The following STXBP5L variants were observed in gnomAD, a reference collection of about 807,000 sequenced individuals.
STXBP5L encodes syntaxin binding protein 5L.
In STXBP5L, 65 loss-of-function variants were observed where a neutral mutation model predicts 144.5. The ratio of observed to expected loss-of-function variants is 0.45; its 90% CI spans 0.37 to 0.55. The LOEUF (loss-of-function observed/expected upper bound fraction) is 0.55. Ranked by LOEUF, STXBP5L falls within the 20% of genes least tolerant of loss-of-function variation. The pLI, the probability that STXBP5L is intolerant of heterozygous loss-of-function variation, is 0.00. For synonymous variants in STXBP5L, 505 were observed against 469.6 expected (o/e 1.08, Z -0.97); for missense variants, 1,298 against 1,405.5 (o/e 0.92, Z 1.22).
intron 22 of STXBP5L, among the ~76,000 whole-genome samples, chr3:121,397,532 G>A (rs371082523): frequency 1.3e-5 from 2 of 152,164 alleles, no homozygotes; most frequent in African/African-American, 2.4e-5. Context: ...GGTTCTGGAC[G>A]CTTAACAATG....
chr3:121,075,840 C>A (rs1042251912), intron 5 of STXBP5L, among the ~76,000 whole-genome samples: 4 of 152,212 alleles, frequency 2.6e-5, no homozygotes, highest in African/African-American at 7.2e-5. Flanking sequence ...ATTGTGCATA[C>A]TGCCTGATAT....
chr3:120,909,492 A>G (rs540374639), intron 1 of STXBP5L, 79 bp from the exon 2 acceptor site: 1 of 1,268,672 alleles, frequency 7.9e-7, no homozygotes, highest in East Asian at 2.6e-5. Flanking sequence ...ACTAATGAAA[A>G]GAGAAAGGCT....
At chr3:121,106,781 A>G (rs1449122676) in intron 5 of STXBP5L, among the ~76,000 whole-genome samples, 1 of 152,164 alleles carries the variant, frequency 6.6e-6, no homozygotes, top group Non-Finnish European at 1.5e-5. Context: ...GCTGGGTCAA[A>G]TAGTATTTCT....
chr3:121,384,722 GT>G (rs560773021), intron 22 of STXBP5L, among the ~76,000 whole-genome samples: 2 of 151,108 alleles, frequency 1.3e-5, no homozygotes, highest in Admixed American at 6.6e-5. Context: ...AAAACATTGG[GT>G]TTTTTTTCAA....
intron 20 of STXBP5L, among the ~76,000 whole-genome samples, chr3:121,324,893 G>A (rs1232611592): frequency 6.6e-6 from 1 of 151,888 alleles, no homozygotes. Context: ...AGGGGGTCGC[G>A]GGTACGGTCA....
At chr3:121,055,844 C>G (rs1010924460) in intron 5 of STXBP5L, among the ~76,000 whole-genome samples, 3 of 150,244 alleles carry the variant, frequency 2.0e-5, no homozygotes, top group African/African-American at 7.4e-5. Flanking sequence ...ACTATGATGC[C>G]TGACTAATGT....
At chr3:121,379,810 G>T (rs1230347537) in intron 21 of STXBP5L, among the ~76,000 whole-genome samples, 3 of 152,078 alleles carry the variant, frequency 2.0e-5, no homozygotes, top group African/African-American at 7.2e-5. Context: ...AATATGTAAT[G>T]ATTATAAAAG....
At chr3:121,296,840 A>C (rs2051671557) in intron 19 of STXBP5L, among the ~76,000 whole-genome samples, 1 of 152,218 alleles carries the variant, frequency 6.6e-6, no homozygotes. Flanking sequence ...GTCTGCCACT[A>C]AACCCTCACC....
intron 3 of STXBP5L, 55 bp downstream of exon 3, chr3:120,955,092 T>C: frequency 1.6e-6 from 2 of 1,232,546 alleles, no homozygotes; most frequent in Non-Finnish European, 1.2e-6. Flanking sequence ...TACATTTCTT[T>C]AAATATTCAG....
rs113825650 is a variant in STXBP5L, at chr3:120,983,104, C to T, written c.287+28067C>T. ...CATCTGACAGCAGTGGTAGTGGTAT[C>T]TGTCCTTGAGGCATATGAAAGTGCC... On this transcript the variant is annotated intron_variant, in intron 3 of 26. Coordinates refer to ENST00000471454, the MANE Select transcript of STXBP5L (RefSeq NM_001308330.2). Among the ~76,000 whole-genome samples, 639 of 152,292 alleles carry T rather than the reference C, an allele frequency of 4.2e-3. 3 individuals are homozygous for T. The highest frequency in any genetic ancestry group is 6.7e-3 in the Non-Finnish European group (453 of 68,030).
intron 10 of STXBP5L, among the ~76,000 whole-genome samples, chr3:121,211,036 C>G (rs978055938): frequency 2.6e-5 from 4 of 152,138 alleles, no homozygotes; most frequent in Non-Finnish European, 5.9e-5. Context: ...TTGCCATTTT[C>G]ACAATATTGA....
At chr3:121,334,220 G>C (rs1201835091) in intron 20 of STXBP5L, among the ~76,000 whole-genome samples, 1 of 152,034 alleles carries the variant, frequency 6.6e-6, no homozygotes, top group Non-Finnish European at 1.5e-5. Flanking sequence ...TCCAGTCTTG[G>C]GTATGTCTTT....
intron 5 of STXBP5L, among the ~76,000 whole-genome samples, chr3:121,091,895 C>G (rs1460723778): frequency 6.6e-6 from 1 of 151,948 alleles, no homozygotes; most frequent in Non-Finnish European, 1.5e-5. Flanking sequence ...CTTCTAGGAT[C>G]TTTATGGTTT....
intron 5 of STXBP5L, among the ~76,000 whole-genome samples, chr3:121,064,399 C>A (rs929515774): frequency 6.6e-6 from 1 of 151,980 alleles, no homozygotes; most frequent in Non-Finnish European, 1.5e-5. Context: ...GAGCTGCAGA[C>A]CGGAGCTGTT....
chr3:121,067,957 G>C (rs1267633996), intron 5 of STXBP5L, among the ~76,000 whole-genome samples: 1 of 152,058 alleles, frequency 6.6e-6, no homozygotes, highest in Non-Finnish European at 1.5e-5. Context: ...TATTGTCAAT[G>C]TCTTCATAGT....
At chr3:120,939,064 T>A (rs1352057841) in intron 2 of STXBP5L, among the ~76,000 whole-genome samples, 1 of 152,186 alleles carries the variant, frequency 6.6e-6, no homozygotes, top group Non-Finnish European at 1.5e-5. Context: ...ATTACAGGCT[T>A]GTGTCAGGAC....
At chr3:121,373,753 T>G (rs1412179223) in intron 20 of STXBP5L, among the ~76,000 whole-genome samples, 1 of 152,064 alleles carries the variant, frequency 6.6e-6, no homozygotes, top group Non-Finnish European at 1.5e-5. Flanking sequence ...GGCCTAGGGA[T>G]TGGGCCATTT....
rs1312118324 is a variant in STXBP5L at position 121,423,586 on chromosome 3, A to T, written c.*4489A>T. On this transcript the variant is annotated 3_prime_UTR_variant, in exon 27 of 27. Transcript: ENST00000471454. ...CATTTATCTAGAGGAGTGATTCTCA[A>T]CCTTGACTGTACATAAGAATCACCT... is the stretch of plus-strand genomic sequence containing the variant. The T allele has an allele frequency of 6.6e-6, 1 of 152,204 alleles. No homozygotes were observed. Among genetic ancestry groups the T allele is most frequent in the East Asian group, 1.9e-4 (1 of 5,204 alleles). The allele number at this position is 152,204 out of a possible 1,614,324, so 9.4% of individuals were successfully genotyped here. A position where few individuals can be genotyped will look rare whatever the true frequency, so the allele number is the denominator to read the frequency against.
intron 20 of STXBP5L, among the ~76,000 whole-genome samples, chr3:121,362,823 A>G (rs1303413305): frequency 3.3e-5 from 5 of 152,060 alleles, no homozygotes; most frequent in Non-Finnish European, 5.9e-5. Flanking sequence ...CATAGCCACC[A>G]CAGCTGATAA....
Sources: allele counts gnomAD v4.1 joint callset (sites outside exome capture counted in the v4.1 genomes callset), GRCh38; gene constraint gnomAD v4.1.1; transcripts MANE v1.5; gene names NCBI Gene and HGNC (gene_info 2026-07-23, HGNC 2026-07-21).